Variants in DAGLB observed in about 807,000 individuals in gnomAD.
DAGLB encodes the protein diacylglycerol lipase-beta.
A neutral mutation model predicts 72.1 loss-of-function variants in DAGLB; 66 were observed. That is an observed-to-expected ratio of 0.92 (90% confidence interval 0.75 to 1.12). DAGLB has a LOEUF of 1.12. DAGLB is among the 50% of genes most tolerant of loss of function. The pLI is 0.00. For missense variants in DAGLB, 1,065 were observed against 884.9 expected (o/e 1.20, Z -2.58); for synonymous variants, 414 against 359.5 (o/e 1.15, Z -1.71).
chr7:6,430,437 T>TTA, intron 6 of DAGLB, 43 bp downstream of exon 6: 1 of 1,417,194 alleles, frequency 7.1e-7, no homozygotes, highest in Non-Finnish European at 9.3e-7. Context: ...CTTTTTTTTT[T>TTA]AAGGGAAATA....
Position 6,409,859 on chromosome 7 carries a change from A to C in DAGLB, c.1997T>G (p.Val666Gly), listed in dbSNP as rs1583276192. The change falls in exon 15 of 15, where the codon GTC becomes GGC. Residue 666 changes from valine to glycine, a missense_variant. Physicochemically the swap from Val to Gly is moderately radical, Grantham distance 109 (BLOSUM62 -3). Transcript: ENST00000297056. ...AACVSCPAQGVSSVDVA is the reference protein window; with the variant it reads ...AACVSCPAQGGSSVDVA The stretch of plus-strand genomic sequence containing the variant: ...TGGTCAGGCCACGTCCACACTGGAG[A>C]CCCCTTGTGCTGGACAGGAGACGCA... 1 of 1,613,798 alleles carries C rather than the reference A, an allele frequency of 6.2e-7. No homozygotes were observed. Among genetic ancestry groups the C allele is most frequent in the African/African-American group, 1.3e-5 (1 of 75,018 alleles).
In DAGLB at chr7:6,410,239, G is replaced by T; in HGVS notation, c.1711C>A (p.Pro571Thr). The change falls in exon 14 of 15, where the codon CCG becomes ACG. Residue 571 changes from proline to threonine, a missense_variant. Physicochemically the swap from Pro to Thr is conservative, Grantham distance 38 (BLOSUM62 -1). Coordinates refer to ENST00000297056, the MANE Select transcript of DAGLB (RefSeq NM_139179.4). ...GEQSLLTRWS[P>T]AYSFSSDSPL... ...GAGTCGCTGGAGAAGCTGTAGGCCG[G>T]GGACCAGCGCGTCAGTAGGCTCTGC... is the stretch of plus-strand genomic sequence containing the variant. 1.2e-6 allele frequency: 2 copies of T among 1,612,538 alleles called. No individual in the cohort carries two copies. The highest frequency in any genetic ancestry group is 1.7e-6 in the Non-Finnish European group (2 of 1,179,320).
At chr7:6,447,274 C>T (rs1269462091) in intron 1 of DAGLB, among the ~76,000 whole-genome samples, 2 of 152,260 alleles carry the variant, frequency 1.3e-5, no homozygotes, top group African/African-American at 4.8e-5. Context: ...CTGTCTGCTT[C>T]TCACGAAATG....
intron 2 of DAGLB, among the ~76,000 whole-genome samples, chr7:6,444,054 C>G (rs968722957): frequency 1.3e-5 from 2 of 151,950 alleles, no homozygotes; most frequent in Non-Finnish European, 2.9e-5. Context: ...ATCACCTGAG[C>G]CCAGGAGTTC....
intron 5 of DAGLB, among the ~76,000 whole-genome samples, chr7:6,431,225 C>T (rs942985882): frequency 2.6e-5 from 4 of 151,920 alleles, no homozygotes; most frequent in African/African-American, 7.3e-5. Context: ...CTGCCACACA[C>T]GAGCTGTCAA....
intron 13 of DAGLB, 57 bp downstream of exon 13, chr7:6,412,754 G>C (rs980319428): frequency 3.2e-6 from 5 of 1,545,148 alleles, no homozygotes; most frequent in Non-Finnish European, 4.4e-6. Context: ...GCTCTCCACA[G>C]GATCTCAGGG....
intron 4 of DAGLB, 49 bp downstream of exon 4, chr7:6,434,713 C>T (rs764151158): frequency 2.1e-5 from 34 of 1,606,906 alleles, no homozygotes; most frequent in Non-Finnish European, 2.6e-5. Flanking sequence ...CCATCAGAAG[C>T]ATTTACTGAA....
intron 13 of DAGLB, among the ~76,000 whole-genome samples, chr7:6,411,592 G>A (rs1783730892): frequency 6.6e-6 from 1 of 152,192 alleles, no homozygotes; most frequent in African/African-American, 2.4e-5. Context: ...CTGCACTCCA[G>A]CCTGGGTGAC....
At chr7:6,439,524 T>C (rs943254015) in intron 2 of DAGLB, among the ~76,000 whole-genome samples, 2 of 152,158 alleles carry the variant, frequency 1.3e-5, no homozygotes, top group Admixed American at 6.6e-5. Flanking sequence ...TCAACTCCTA[T>C]AGCCAATGCT....
intron 2 of DAGLB, among the ~76,000 whole-genome samples, chr7:6,438,353 T>C (rs1784728847): frequency 6.6e-6 from 1 of 152,044 alleles, no homozygotes; most frequent in Non-Finnish European, 1.5e-5. Flanking sequence ...AGTATAAAAA[T>C]AATTTTTAAA....
At chr7:6,413,168 G>GGT in intron 11 of DAGLB, 134 bp from the exon 12 acceptor site, 1 of 947,382 alleles carries the variant, frequency 1.1e-6, no homozygotes, top group Non-Finnish European at 1.6e-6. Flanking sequence ...CTAAAGGGAG[G>GGT]GTAGGGGAAA....
At chr7:6,439,361 G>A (rs377245008) in intron 2 of DAGLB, among the ~76,000 whole-genome samples, 3 of 152,184 alleles carry the variant, frequency 2.0e-5, no homozygotes, top group South Asian at 4.2e-4. Context: ...GGCTTCCTAA[G>A]GTCGCTGGCC....
At position 6,434,676 on chromosome 7, in the gene DAGLB, G is replaced by C. The variant is rs993004431; in HGVS notation, c.678+86C>G. 3.4e-5 allele frequency: 53 copies of C among 1,576,466 alleles called. No homozygotes were observed. In the African/African-American group the frequency reaches 6.0e-4, roughly 18 times the overall value. The stretch of plus-strand genomic sequence containing the variant: ...CCAAAGACACCAGGTTCTCAAACGC[G>C]GTTTTATGGGAACAGAGGGACCGGC... On this transcript the variant is annotated intron_variant, in intron 4 of 14. Coordinates refer to ENST00000297056, the MANE Select transcript of DAGLB (RefSeq NM_139179.4).
chr7:6,410,880 ATTTTTTT>A (rs35960882), intron 13 of DAGLB, among the ~76,000 whole-genome samples: 21 of 98,202 alleles, frequency 2.1e-4, no homozygotes, highest in African/African-American at 6.0e-4. Context: ...AATTTTTTGT[ATTTTTTT>A]TTTTTTTTTT....
Position 6,409,383 on chromosome 7 carries a change from TCAC to T in DAGLB, c.*451_*453del. ...CAGGAGAAAACCCCAGCCCGCACCC[TCAC>T]CACAGTTCCATTTGTACATCCAGGA... On this transcript the variant is annotated 3_prime_UTR_variant, in exon 15 of 15. Transcript: ENST00000297056. 1 of 162,372 alleles carries T rather than the reference TCAC, an allele frequency of 6.2e-6. No homozygotes were observed. Among genetic ancestry groups the T allele is most frequent in the Admixed American group, 5.9e-5 (1 of 16,884 alleles). The allele number at this position is 162,372 out of a possible 1,614,324, so 10.1% of individuals were successfully genotyped here.
chr7:6,435,003 G>C lies in DAGLB; in HGVS notation c.437C>G (p.Ala146Gly). 9.3e-6 allele frequency: 15 copies of C among 1,613,606 alleles called. No individual in the cohort carries two copies. The highest frequency in any genetic ancestry group is 1.3e-5 in the Non-Finnish European group (15 of 1,180,026). The change falls in exon 4 of 15, where the codon GCC (alanine) becomes GGC (glycine). Residue 146 changes from alanine to glycine, a missense_variant. Coordinates refer to ENST00000297056, the MANE Select transcript of DAGLB (RefSeq NM_139179.4). The stretch of plus-strand genomic sequence containing the variant: ...GACAATGATAATGGAAACCACTGTG[G>C]CAGCGATGATGATCCAACTGCAAGA... The part of the protein sequence containing the change: ...TVVVSWIIIA[A>G]TVVSIIIVFD...
intron 13 of DAGLB, 144 bp downstream of exon 13, chr7:6,412,665 CAG>C: frequency 1.1e-6 from 1 of 914,260 alleles, no homozygotes; most frequent in Non-Finnish European, 1.7e-6. Flanking sequence ...AGTCCTAGCC[CAG>C]AATCTGATCA....
intron 2 of DAGLB, among the ~76,000 whole-genome samples, chr7:6,440,125 C>T (rs919394797): frequency 6.6e-6 from 1 of 151,530 alleles, no homozygotes; most frequent in African/African-American, 2.4e-5. Context: ...GGTGCAGTGG[C>T]TCAGGCTTGT....
chr7:6,430,883 C>A (rs957510744), intron 5 of DAGLB, among the ~76,000 whole-genome samples: 3 of 151,994 alleles, frequency 2.0e-5, no homozygotes, highest in Non-Finnish European at 4.4e-5. Context: ...TCAAGCAATT[C>A]CCCTGCCTCA....
Sources: allele counts gnomAD v4.1 joint callset (sites outside exome capture counted in the v4.1 genomes callset), GRCh38; gene constraint gnomAD v4.1.1; transcripts MANE v1.5; gene names NCBI Gene and HGNC (gene_info 2026-07-23, HGNC 2026-07-21).